Variants in GSK3B observed in about 807,000 individuals in gnomAD.
GSK3B encodes glycogen synthase kinase-3 beta.
GSK3B carries 15 observed loss-of-function variants against 56.4 expected under a neutral mutation model. The ratio of observed to expected loss-of-function variants is 0.27; its 90% confidence interval spans 0.18 to 0.41. The LOEUF is 0.41. Ranked by LOEUF, GSK3B falls within the 10% of genes least tolerant of loss-of-function variation. The probability of loss-of-function intolerance (pLI) is 1.00; values close to 1 mark genes in which losing one functional copy is unlikely to be tolerated. For synonymous variants in GSK3B, 181 were observed against 188.9 expected (o/e 0.96, Z 0.34); for missense variants, 300 against 513.4 (o/e 0.58, Z 4.02).
intron 1 of GSK3B, among the ~76,000 whole-genome samples, chr3:120,038,625 A>G (rs1047287178): frequency 2.0e-5 from 3 of 152,216 alleles, no homozygotes; most frequent in Admixed American, 2.0e-4. Flanking sequence ...ATGCAAATAA[A>G]CACACATCAA....
At chr3:120,075,414 AG>A (rs979554631) in intron 1 of GSK3B, among the ~76,000 whole-genome samples, 1 of 152,134 alleles carries the variant, frequency 6.6e-6, no homozygotes, top group Non-Finnish European at 1.5e-5. Context: ...GACAAGAAAA[AG>A]GAAAAAAAAA....
chr3:119,872,865 T>A (rs2056265586), intron 8 of GSK3B, among the ~76,000 whole-genome samples: 1 of 152,188 alleles, frequency 6.6e-6, no homozygotes, highest in Admixed American at 6.6e-5. Context: ...TCACTCTGTA[T>A]ATAATAGCCC....
chr3:119,899,103 GGC>G (rs1477053739), intron 7 of GSK3B, among the ~76,000 whole-genome samples: 1 of 152,010 alleles, frequency 6.6e-6, no homozygotes, highest in Non-Finnish European at 1.5e-5. Flanking sequence ...TAATGTCCAT[GGC>G]TGGATGTCAG....
intron 9 of GSK3B, among the ~76,000 whole-genome samples, chr3:119,852,261 A>G (rs1382051413): frequency 2.0e-5 from 3 of 152,214 alleles, no homozygotes; most frequent in African/African-American, 7.2e-5. Flanking sequence ...GAACTACATT[A>G]TAGTACAGGT....
intron 4 of GSK3B, among the ~76,000 whole-genome samples, chr3:119,918,506 A>G (rs1210061711): frequency 1.3e-5 from 2 of 152,062 alleles, no homozygotes; most frequent in Non-Finnish European, 2.9e-5. Flanking sequence ...ACAAAAAAAA[A>G]GCAGTTTGGT....
At chr3:120,058,501 A>G (rs2058209425) in intron 1 of GSK3B, among the ~76,000 whole-genome samples, 1 of 152,130 alleles carries the variant, frequency 6.6e-6, no homozygotes, top group Non-Finnish European at 1.5e-5. Flanking sequence ...GAGAGTAAAT[A>G]TACAGAAATT....
intron 9 of GSK3B, among the ~76,000 whole-genome samples, chr3:119,849,681 T>C (rs1486744771): frequency 6.6e-6 from 1 of 152,216 alleles, no homozygotes; most frequent in African/African-American, 2.4e-5. Flanking sequence ...TAGTCAGCTA[T>C]CCCTTGGTAT....
At chr3:120,077,571 C>T (rs1407132469) in intron 1 of GSK3B, among the ~76,000 whole-genome samples, 3 of 150,846 alleles carry the variant, frequency 2.0e-5, no homozygotes, top group Admixed American at 6.6e-5. Flanking sequence ...TAATGTACAA[C>T]ATGAAGACTA....
chr3:120,004,539 G>A (rs531671799), intron 1 of GSK3B, among the ~76,000 whole-genome samples: 35 of 152,268 alleles, frequency 2.3e-4, no homozygotes, highest in African/African-American at 7.2e-4. Flanking sequence ...CCTCATACAG[G>A]TGGGTGCCCC....
chr3:120,054,886 T>C (rs2058180467), intron 1 of GSK3B, among the ~76,000 whole-genome samples: 1 of 152,228 alleles, frequency 6.6e-6, no homozygotes, highest in Non-Finnish European at 1.5e-5. Flanking sequence ...GTAGGGCTTA[T>C]TCCACATTTT....
At chr3:119,938,363 C>T (rs578221407) in intron 3 of GSK3B, among the ~76,000 whole-genome samples, 7 of 151,988 alleles carry the variant, frequency 4.6e-5, no homozygotes, top group South Asian at 2.1e-4. Flanking sequence ...TAAATATAAA[C>T]GCAAAAATCC....
intron 1 of GSK3B, among the ~76,000 whole-genome samples, chr3:120,026,906 G>A (rs2057932496): frequency 6.6e-6 from 1 of 151,382 alleles, no homozygotes; most frequent in South Asian, 2.1e-4. Context: ...TTCCTTAAAA[G>A]CAGCAGGACA....
At chr3:120,004,925 T>C (rs1009798797) in intron 1 of GSK3B, among the ~76,000 whole-genome samples, 9 of 151,670 alleles carry the variant, frequency 5.9e-5, no homozygotes, top group Admixed American at 2.0e-4. Context: ...GCAGAATGAG[T>C]TTGACAAGAT....
At chr3:119,946,992 A>T (rs1460222867) in intron 3 of GSK3B, among the ~76,000 whole-genome samples, 2 of 139,552 alleles carry the variant, frequency 1.4e-5, no homozygotes, top group Admixed American at 7.2e-5. Context: ...AGATGTCTTT[A>T]AAAAAAAAAA....
At chr3:119,837,503 CT>C (rs1307070520) in intron 10 of GSK3B, among the ~76,000 whole-genome samples, 1 of 152,002 alleles carries the variant, frequency 6.6e-6, no homozygotes, top group African/African-American at 2.4e-5. Context: ...TAAAAATGTG[CT>C]CATTCTTGCA....
intron 8 of GSK3B, among the ~76,000 whole-genome samples, chr3:119,868,306 G>GA (rs948642308): frequency 7.2e-5 from 11 of 151,858 alleles, no homozygotes; most frequent in South Asian, 2.1e-4. Flanking sequence ...GAAACTAACA[G>GA]AAAAAAATCA....
In GSK3B at chr3:119,902,107, T is replaced by G. The variant is rs182888034; in HGVS notation, c.813+3648A>C. 3.4e-4 allele frequency among the ~76,000 whole-genome samples: 52 copies of G among 152,298 alleles called. No individual in the cohort carries two copies. In the Middle Eastern group the frequency reaches 0.01, roughly 30 times the overall value. On this transcript the variant is annotated intron_variant, in intron 7 of 10. Coordinates refer to ENST00000264235, the MANE Select transcript of GSK3B (RefSeq NM_001146156.2). ...AACTGGGCATTTATGAGACCACCTT[T>G]AAGAAAATTTCAAATCTATTCTTAA...
intron 1 of GSK3B, among the ~76,000 whole-genome samples, chr3:120,060,163 C>G (rs953886301): frequency 3.3e-5 from 5 of 151,910 alleles, no homozygotes; most frequent in African/African-American, 1.2e-4. Flanking sequence ...AGAATAGACA[C>G]AGATAAACAA....
chr3:119,899,058 T>A (rs1332345481), intron 7 of GSK3B, among the ~76,000 whole-genome samples: 1 of 152,080 alleles, frequency 6.6e-6, no homozygotes, highest in Non-Finnish European at 1.5e-5. Flanking sequence ...AGGAGGATCA[T>A]CTGCTTGGAA....
Sources: allele counts gnomAD v4.1 joint callset (sites outside exome capture counted in the v4.1 genomes callset), GRCh38; gene constraint gnomAD v4.1.1; transcripts MANE v1.5; gene names NCBI Gene and HGNC (gene_info 2026-07-23, HGNC 2026-07-21).